CDKAL1: variants seen among roughly 807,000 people sequenced by gnomAD.
CDKAL1 encodes the protein CDKAL1 threonylcarbamoyladenosine tRNA methylthiotransferase, also known as threonylcarbamoyladenosine tRNA methylthiotransferase.
A neutral mutation model predicts 68.2 loss-of-function variants in CDKAL1; 32 were observed. The observed-to-expected ratio is 0.47, with a 90% CI of 0.35 to 0.63. CDKAL1 has a LOEUF of 0.63. Among genes scored for constraint, CDKAL1 ranks in the 30% least tolerant of loss-of-function variants. CDKAL1 has a pLI of 0.00. For missense variants in CDKAL1, 606 were observed against 696.7 expected (o/e 0.87, Z 1.47); for synonymous variants, 234 against 244.3 (o/e 0.96, Z 0.39).
intron 10 of CDKAL1, among the ~76,000 whole-genome samples, chr6:20,993,177 G>C (rs1766930268): frequency 6.6e-6 from 1 of 152,070 alleles, no homozygotes; most frequent in Admixed American, 6.6e-5. Flanking sequence ...AAATTAGATT[G>C]TGGTAATGGT....
intron 9 of CDKAL1, among the ~76,000 whole-genome samples, chr6:20,934,017 A>G (rs1326338804): frequency 6.6e-6 from 1 of 151,840 alleles, no homozygotes; most frequent in Non-Finnish European, 1.5e-5. Context: ...GGTCCTTATC[A>G]CAGTAGTTAG....
chr6:21,122,913 A>C (rs1774801648), intron 13 of CDKAL1, among the ~76,000 whole-genome samples: 1 of 151,846 alleles, frequency 6.6e-6, no homozygotes, highest in Admixed American at 6.6e-5. Context: ...TCAAAATAAA[A>C]AGGATTACAG....
intron 4 of CDKAL1, among the ~76,000 whole-genome samples, chr6:20,648,128 A>AT (rs547345216): frequency 0.035 from 4,758 of 136,726 alleles, 84 homozygotes; most frequent in African/African-American, 0.047. Context: ...TACTGGGGGA[A>AT]TTTTTTTTTT....
chr6:21,158,246 AG>A (rs1776741111), intron 13 of CDKAL1, among the ~76,000 whole-genome samples: 1 of 152,226 alleles, frequency 6.6e-6, no homozygotes, highest in Non-Finnish European at 1.5e-5. Context: ...ACCTTTATTG[AG>A]GACAGTAAAT....
At chr6:20,832,216 G>C (rs1160032021) in intron 8 of CDKAL1, among the ~76,000 whole-genome samples, 1 of 152,110 alleles carries the variant, frequency 6.6e-6, no homozygotes, top group African/African-American at 2.4e-5. Flanking sequence ...TATAAGGTGA[G>C]AAATGCCCAT....
rs180836933 is a variant in CDKAL1 at position 21,213,215 on chromosome 6, T to C, written c.1548+11941T>C. ...TTCCTCATCTATAAATTGGGAGGAA[T>C]AGAGTCCATTTGATAGGATGGTTTT... On this transcript the variant is annotated intron_variant, in intron 15 of 15. Transcript: ENST00000274695. 3.3e-5 allele frequency among the ~76,000 whole-genome samples: 5 copies of C among 152,298 alleles called. No homozygotes were observed. In the East Asian group the frequency reaches 7.7e-4, roughly 24 times the overall value.
intron 9 of CDKAL1, among the ~76,000 whole-genome samples, chr6:20,860,932 TA>T (rs1398337718): frequency 1.0e-4 from 9 of 88,914 alleles, no homozygotes; most frequent in Admixed American, 3.4e-4. Context: ...TAGTGTGGTC[TA>T]TTTTTTTTTT....
At chr6:20,628,942 G>A (rs1767552170) in intron 4 of CDKAL1, among the ~76,000 whole-genome samples, 1 of 151,858 alleles carries the variant, frequency 6.6e-6, no homozygotes, top group Admixed American at 6.6e-5. Context: ...TTTATTGTGT[G>A]TTTCCTATAA....
At chr6:20,791,534 A>G (rs1775899385) in intron 8 of CDKAL1, among the ~76,000 whole-genome samples, 3 of 152,164 alleles carry the variant, frequency 2.0e-5, no homozygotes, top group Admixed American at 1.3e-4. Flanking sequence ...ACTTAGAGCT[A>G]AAGTTTGAGA....
At chr6:21,138,099 A>G (rs1474245061) in intron 13 of CDKAL1, among the ~76,000 whole-genome samples, 1 of 152,206 alleles carries the variant, frequency 6.6e-6, no homozygotes, top group Non-Finnish European at 1.5e-5. Flanking sequence ...AATGATGATT[A>G]CATCCCTCAA....
In CDKAL1 at chr6:20,778,359, G is replaced by T. The variant is rs547967083; in HGVS notation, c.518-2786G>T. ...AGTGAAAATATAAGCCACAGACTGA[G>T]AGAAAATATTTATAAATCATATATC... On this transcript the variant is annotated intron_variant, in intron 7 of 15. Transcript: ENST00000274695. 5.3e-5 allele frequency among the ~76,000 whole-genome samples: 8 copies of T among 152,274 alleles called. No homozygotes were observed. In the East Asian group the frequency reaches 1.5e-3, roughly 29 times the overall value.
At chr6:20,951,199 T>C (rs1764510603) in intron 9 of CDKAL1, among the ~76,000 whole-genome samples, 1 of 152,208 alleles carries the variant, frequency 6.6e-6, no homozygotes, top group Non-Finnish European at 1.5e-5. Context: ...AAACAACTTA[T>C]CTTGAAAATT....
At chr6:20,799,040 G>GTTGTTTTTTTTTTTTTTTTTTTTT (rs1776242510) in intron 8 of CDKAL1, among the ~76,000 whole-genome samples, 1 of 47,482 alleles carries the variant, frequency 2.1e-5, no homozygotes, top group African/African-American at 8.5e-5. Context: ...AAAGAACTGA[G>GTTGTTTTTTTTTTTTTTTTTTTTT]TTTTTTTTTT....
intron 11 of CDKAL1, among the ~76,000 whole-genome samples, chr6:21,059,226 G>A (rs1771005438): frequency 6.6e-6 from 1 of 152,242 alleles, no homozygotes; most frequent in Non-Finnish European, 1.5e-5. Flanking sequence ...ATTGTGGGGA[G>A]TTCCTCCTGG....
Position 20,652,297 on chromosome 6 carries a change from T to A in CDKAL1, c.371+2920T>A, listed in dbSNP as rs113515910. On this transcript the variant is annotated intron_variant, in intron 5 of 15. Transcript: ENST00000274695. ...AGAATCAATGCATACTTTGTGAAGT[T>A]GCCTGACACAGTCCTTGCCTCTTTT... Among the ~76,000 whole-genome samples the A allele has an allele frequency of 1.2e-3, 183 of 152,328 alleles. 1 individual carries two copies. In the Middle Eastern group the frequency reaches 0.017, roughly 14 times the overall value.
chr6:20,755,084 T>C (rs1193516666), intron 6 of CDKAL1, among the ~76,000 whole-genome samples: 2 of 152,246 alleles, frequency 1.3e-5, no homozygotes, highest in Non-Finnish European at 2.9e-5. Flanking sequence ...CATTTTTCTT[T>C]ATGGTTTCAT....
At chr6:20,592,188 A>G (rs1376099103) in intron 4 of CDKAL1, among the ~76,000 whole-genome samples, 1 of 152,164 alleles carries the variant, frequency 6.6e-6, no homozygotes, top group Non-Finnish European at 1.5e-5. Context: ...TTATTGGTGT[A>G]TAGGAATGCT....
At position 21,130,733 on chromosome 6, in the gene CDKAL1, T is replaced by A. The variant is rs1775271505; in HGVS notation, c.1299+22270T>A. Among the ~76,000 whole-genome samples the A allele has an allele frequency of 2.0e-5, 3 of 152,124 alleles. No homozygotes were observed. The South Asian group carries it at 6.2e-4, about 32-fold the overall frequency. On this transcript the variant is annotated intron_variant, in intron 13 of 15. Transcript: ENST00000274695. ...CTTGACCTTTTTACTTGTCTACTGG[T>A]GGAAAGCCACAGTAGACTAGGTCTC...
At chr6:20,918,262 G>A (rs1762803765) in intron 9 of CDKAL1, among the ~76,000 whole-genome samples, 1 of 152,326 alleles carries the variant, frequency 6.6e-6, no homozygotes, top group East Asian at 1.9e-4. Context: ...TAACAGAATT[G>A]TAAGCAATAA....
Sources: gnomAD v4.1 joint callset for allele counts (sites outside exome capture counted in the v4.1 genomes callset) on GRCh38, gnomAD v4.1.1 for gene constraint, MANE v1.5 for transcripts, NCBI Gene and HGNC (gene_info 2026-07-23, HGNC 2026-07-21) for gene names.